The following MPP7 variants were observed in gnomAD, a reference collection of about 807,000 sequenced individuals.
MPP7 encodes MAGUK p55 subfamily member 7.
A neutral mutation model predicts 76.5 loss-of-function variants in MPP7; 60 were observed. The observed-to-expected ratio is 0.78, with a 90% confidence interval of 0.64 to 0.97. The LOEUF (loss-of-function observed/expected upper bound fraction) is 0.97. Ranked by LOEUF, MPP7 falls within the 50% of genes least tolerant of loss-of-function variation. The pLI is 0.00. For missense variants in MPP7, 641 were observed against 694.0 expected (o/e 0.92, Z 0.86); for synonymous variants, 237 against 244.5 (o/e 0.97, Z 0.29).
At chr10:28,112,953 T>C (rs1026872114) in intron 11 of MPP7, among the ~76,000 whole-genome samples, 11 of 152,210 alleles carry the variant, frequency 7.2e-5, no homozygotes, top group Admixed American at 6.5e-4. Context: ...GCCCTTGACA[T>C]GGCTTCAAGC....
chr10:28,116,045 C>T (rs981757296), intron 11 of MPP7, among the ~76,000 whole-genome samples: 1 of 151,882 alleles, frequency 6.6e-6, no homozygotes, highest in Non-Finnish European at 1.5e-5. Context: ...ATTTTGATAA[C>T]TAAAAAAAGG....
At chr10:28,083,789 C>T (rs1168586212) in intron 12 of MPP7, among the ~76,000 whole-genome samples, 2 of 152,094 alleles carry the variant, frequency 1.3e-5, no homozygotes, top group Non-Finnish European at 1.5e-5. Flanking sequence ...CTGCCTGCCT[C>T]GGCCTCCCAG....
At chr10:28,162,858 A>T (rs7090467) in intron 3 of MPP7, among the ~76,000 whole-genome samples, 174 of 145,102 alleles carry the variant, frequency 1.2e-3, no homozygotes, top group Non-Finnish European at 1.7e-3. Context: ...TCTTTCTCTC[A>T]CTCTCTCTCT....
intron 3 of MPP7, among the ~76,000 whole-genome samples, chr10:28,152,275 A>G (rs1290245334): frequency 6.6e-6 from 1 of 152,140 alleles, no homozygotes; most frequent in Non-Finnish European, 1.5e-5. Flanking sequence ...CATTTTTTAA[A>G]TGTTCTAGAA....
At chr10:28,279,393 C>T (rs188477120) in intron 1 of MPP7, among the ~76,000 whole-genome samples, 20 of 152,062 alleles carry the variant, frequency 1.3e-4, no homozygotes, top group Admixed American at 1.0e-3. Flanking sequence ...ATTGGTCTTT[C>T]GGGTTTGTCA....
intron 2 of MPP7, among the ~76,000 whole-genome samples, chr10:28,318,489 C>T (rs1834340671): frequency 6.6e-6 from 1 of 152,106 alleles, no homozygotes; most frequent in African/African-American, 2.4e-5. Context: ...AGTTTGAGAC[C>T]AGCCTGGCCA....
chr10:28,321,081 A>C (rs1437035101), intron 2 of MPP7, among the ~76,000 whole-genome samples: 3 of 152,176 alleles, frequency 2.0e-5, no homozygotes, highest in Non-Finnish European at 4.4e-5. Context: ...AGCTCAGGCC[A>C]AGACTTGGAT....
intron 3 of MPP7, among the ~76,000 whole-genome samples, chr10:28,185,723 C>G (rs1404842460): frequency 6.6e-6 from 1 of 152,134 alleles, no homozygotes; most frequent in Non-Finnish European, 1.5e-5. Context: ...AGAGTTTACA[C>G]AAAAAGTGTG....
intron 1 of MPP7, chr10:28,281,947 G>C (rs1840686522): frequency 1.3e-5 from 2 of 152,100 alleles, no homozygotes; most frequent in Non-Finnish European, 2.9e-5. Context: ...GACAGCTGTG[G>C]AAACCAGCGT....
At chr10:28,183,010 G>A (rs559179961) in intron 3 of MPP7, among the ~76,000 whole-genome samples, 4 of 152,280 alleles carry the variant, frequency 2.6e-5, no homozygotes, top group African/African-American at 9.6e-5. Flanking sequence ...CCTGGGAGGT[G>A]GAGGTTACGG....
chr10:28,057,869 C>T (rs1196228655), intron 15 of MPP7: 1 of 1,222,642 alleles, frequency 8.2e-7, no homozygotes, highest in Non-Finnish European at 1.0e-6. Context: ...GAGGAAAATG[C>T]TGTGGGCTGG....
intron 13 of MPP7, among the ~76,000 whole-genome samples, chr10:28,064,291 G>C (rs1349434780): frequency 6.6e-6 from 1 of 152,184 alleles, no homozygotes; most frequent in Admixed American, 6.5e-5. Flanking sequence ...ATTGATGTAG[G>C]AGACAACATG....
intron 2 of MPP7, among the ~76,000 whole-genome samples, chr10:28,310,715 T>C (rs1841285109): frequency 6.6e-6 from 1 of 152,188 alleles, no homozygotes; most frequent in Non-Finnish European, 1.5e-5. Context: ...CACACCTGGA[T>C]CTACCTCATT....
chr10:28,091,447 C>T (rs936051620), intron 11 of MPP7, among the ~76,000 whole-genome samples: 2 of 152,004 alleles, frequency 1.3e-5, no homozygotes, highest in Admixed American at 1.3e-4. Context: ...GCCATCACGC[C>T]CGGCTAACTT....
chr10:28,218,195 G>A (rs1838377563), intron 2 of MPP7, among the ~76,000 whole-genome samples: 1 of 152,188 alleles, frequency 6.6e-6, no homozygotes, highest in African/African-American at 2.4e-5. Flanking sequence ...TGGTTCAACT[G>A]AGGCAGTGTG....
At chr10:28,120,516 G>T in intron 9 of MPP7, 78 bp downstream of exon 9, 2 of 1,512,958 alleles carry the variant, frequency 1.3e-6, no homozygotes, top group South Asian at 2.3e-5. Flanking sequence ...AATGTGTTGT[G>T]ACAAAGTGGA....
At chr10:28,131,932 G>A (rs985211884) in intron 5 of MPP7, among the ~76,000 whole-genome samples, 2 of 152,090 alleles carry the variant, frequency 1.3e-5, no homozygotes, top group Non-Finnish European at 2.9e-5. Flanking sequence ...TGTCCCCAGT[G>A]TCACTGATGT....
rs59550501 is a variant in MPP7, at chr10:28,057,605, C to CTTT, written c.1407+887_1407+889dup. On this transcript the variant is annotated intron_variant, in intron 15 of 16. Coordinates refer to ENST00000683449, the MANE Select transcript of MPP7 (RefSeq NM_001318170.2). ...GCAGAGCAGTGAGCCAATTAAACCT[C>CTTT]TTTTTTTTTTTTTTTTTTTTTTTTT... The CTTT allele has an allele frequency of 9.6e-3, 1,177 of 122,552 alleles. 182 individuals are homozygous for CTTT. The highest frequency in any genetic ancestry group is 0.057 in the East Asian group (100 of 1,762). 7.6% of individuals were successfully genotyped at this position (122,552 alleles called of 1,614,324 possible).
upstream of MPP7, among the ~76,000 whole-genome samples, chr10:28,304,103 T>A (rs1412524162): frequency 6.6e-6 from 1 of 152,000 alleles, no homozygotes; most frequent in Non-Finnish European, 1.5e-5. Flanking sequence ...CACTTCAAGA[T>A]GTGATAGAGA....
Sources: gnomAD v4.1 joint callset for allele counts (sites outside exome capture counted in the v4.1 genomes callset) on GRCh38, gnomAD v4.1.1 for gene constraint, MANE v1.5 for transcripts, NCBI Gene and HGNC (gene_info 2026-07-23, HGNC 2026-07-21) for gene names.